Variants in SNTB1 observed in about 807,000 individuals in gnomAD.
The protein encoded by SNTB1 is syntrophin beta 1.
Under a neutral mutation model 48.9 loss-of-function variants are expected in SNTB1, and 36 were observed. The ratio of observed to expected loss-of-function variants is 0.74; its 90% CI spans 0.56 to 0.97. The LOEUF is 0.97. Ranked by LOEUF, SNTB1 falls within the 50% of genes least tolerant of loss-of-function variation. The pLI is 0.00. For synonymous variants in SNTB1, 299 were observed against 294.6 expected (o/e 1.01, Z -0.15); for missense variants, 786 against 703.4 (o/e 1.12, Z -1.33).
At chr8:120,601,145 G>T (rs1816415441) in intron 3 of SNTB1, among the ~76,000 whole-genome samples, 1 of 151,930 alleles carries the variant, frequency 6.6e-6, no homozygotes, top group Non-Finnish European at 1.5e-5. Context: ...CAGACACAAT[G>T]AACACTTTCA....
chr8:120,752,198 A>C (rs778318467), intron 1 of SNTB1, among the ~76,000 whole-genome samples: 3 of 152,192 alleles, frequency 2.0e-5, no homozygotes, highest in Non-Finnish European at 4.4e-5. Context: ...ATTGGATCTC[A>C]GATCAGGCAC....
At chr8:120,686,958 T>C (rs1174645336) in intron 2 of SNTB1, among the ~76,000 whole-genome samples, 3 of 152,202 alleles carry the variant, frequency 2.0e-5, no homozygotes, top group African/African-American at 7.2e-5. Context: ...AATACATATT[T>C]TGTGGGCTTC....
intron 1 of SNTB1, among the ~76,000 whole-genome samples, chr8:120,754,945 A>C (rs1052704339): frequency 1.3e-5 from 2 of 152,210 alleles, no homozygotes. Flanking sequence ...ACATTTAAAA[A>C]AGACACAATT....
chr8:120,541,494 C>T (rs1163764085), intron 6 of SNTB1, among the ~76,000 whole-genome samples: 5 of 152,150 alleles, frequency 3.3e-5, no homozygotes, highest in Non-Finnish European at 5.9e-5. Context: ...TTATATGAGA[C>T]GCTTGATACT....
intron 2 of SNTB1, among the ~76,000 whole-genome samples, chr8:120,634,952 C>T (rs1297147191): frequency 1.3e-5 from 2 of 151,492 alleles, no homozygotes; most frequent in Non-Finnish European, 2.9e-5. Flanking sequence ...CCCAGGTTCA[C>T]GCCATTCTCC....
chr8:120,744,142 G>A (rs1174798567), intron 1 of SNTB1, among the ~76,000 whole-genome samples: 1 of 126,632 alleles, frequency 7.9e-6, no homozygotes, highest in Non-Finnish European at 1.7e-5. Context: ...TTTTTGCAAG[G>A]GAATCCCTCA....
chr8:120,558,301 GTCTCCCAAGAGAAGATAACTT>G (rs1815601195), intron 4 of SNTB1, among the ~76,000 whole-genome samples: 1 of 152,142 alleles, frequency 6.6e-6, no homozygotes, highest in Non-Finnish European at 1.5e-5. Flanking sequence ...AGAAAATGCT[GTCTCCCAAGAGAAGATAACTT>G]TCTTACCCAG....
chr8:120,717,552 A>G (rs373763325), intron 1 of SNTB1, among the ~76,000 whole-genome samples: 1 of 152,214 alleles, frequency 6.6e-6, no homozygotes, highest in East Asian at 1.9e-4. Context: ...AAATAGTGCT[A>G]AGCCTCCGAA....
chr8:120,709,983 G>A (rs1818437258), intron 1 of SNTB1, among the ~76,000 whole-genome samples: 1 of 151,988 alleles, frequency 6.6e-6, no homozygotes, highest in Non-Finnish European at 1.5e-5. Context: ...CCTCCCAGAA[G>A]CAAACTAGAG....
intron 4 of SNTB1, among the ~76,000 whole-genome samples, chr8:120,563,386 C>G (rs1815695680): frequency 6.6e-6 from 1 of 151,606 alleles, no homozygotes. Flanking sequence ...ATGAGAATTG[C>G]TAAAATTACA....
At chr8:120,561,882 A>G (rs1260190957) in intron 4 of SNTB1, among the ~76,000 whole-genome samples, 1 of 152,200 alleles carries the variant, frequency 6.6e-6, no homozygotes, top group African/African-American at 2.4e-5. Flanking sequence ...ACTGAAATGA[A>G]CATTCCTACC....
Position 120,656,072 on chromosome 8 carries a change from C to T in SNTB1, c.789-23421G>A, listed in dbSNP as rs76072455. Among the ~76,000 whole-genome samples the T allele has an allele frequency of 2.0e-3, 302 of 152,206 alleles. 2 individuals are homozygous for T. Among genetic ancestry groups the T allele is most frequent in the African/African-American group, 5.6e-3 (233 of 41,520 alleles). On this transcript the variant is annotated intron_variant, in intron 2 of 6. Coordinates refer to ENST00000517992, the MANE Select transcript of SNTB1 (RefSeq NM_021021.4). ...TTTTTTTTGAAATTTTGAGGAAATCCGTGAACACCATAATATCCTTAACTA... is the reference window on the plus strand; with the variant it reads ...TTTTTTTTGAAATTTTGAGGAAATCTGTGAACACCATAATATCCTTAACTA...
chr8:120,765,735 TGGG>T (rs1819510928), intron 1 of SNTB1: 1 of 152,206 alleles, frequency 6.6e-6, no homozygotes, highest in East Asian at 1.9e-4. Context: ...ACTGTTGCAC[TGGG>T]TATTAAGTTT....
chr8:120,585,214 A>G (rs1422453041), intron 3 of SNTB1, among the ~76,000 whole-genome samples: 1 of 152,218 alleles, frequency 6.6e-6, no homozygotes, highest in Admixed American at 6.5e-5. Flanking sequence ...TGTGGTTCTG[A>G]GAGGTTATAT....
chr8:120,755,165 TGTGTGTGAGA>T lies in SNTB1; in HGVS notation c.571+56098_571+56107del, dbSNP rs1460445829. Reference sequence around the variant, plus strand: ...TGTTGTGTGTGTGTGTGTGTGTGTGTGTGTGTGAGAGAGAGAGAGAGAGCGAGAGAGAGAG... The same window carrying T: ...TGTTGTGTGTGTGTGTGTGTGTGTGTGAGAGAGAGAGAGCGAGAGAGAGAG... On this transcript the variant is annotated intron_variant, in intron 1 of 6. Transcript: ENST00000517992. Among the ~76,000 whole-genome samples, 11 of 105,616 alleles carry T rather than the reference TGTGTGTGAGA, an allele frequency of 1.0e-4. 1 individual carries two copies. Among genetic ancestry groups the T allele is most frequent in the African/African-American group, 4.5e-4 (11 of 24,416 alleles). 69.3% of individuals were successfully genotyped at this position (105,616 alleles called of 152,430 possible). A position where few individuals can be genotyped will look rare whatever the true frequency, so the allele number is the denominator to read the frequency against.
intron 4 of SNTB1, among the ~76,000 whole-genome samples, chr8:120,559,179 GAGA>G (rs1815614125): frequency 6.6e-6 from 1 of 152,194 alleles, no homozygotes; most frequent in Non-Finnish European, 1.5e-5. Context: ...AAAGGTAGCT[GAGA>G]TTAGATGTTT....
chr8:120,587,247 A>AAACAAAACAAAACAG (rs77506686), intron 3 of SNTB1, among the ~76,000 whole-genome samples: 1 of 152,136 alleles, frequency 6.6e-6, no homozygotes, highest in Non-Finnish European at 1.5e-5. Flanking sequence ...AAAACAGACA[A>AAACAAAACAAAACAG]ACAAACAAAA....
In SNTB1 at chr8:120,691,951, G is replaced by A. The variant is rs1465767254; in HGVS notation, c.788+1741C>T. Among the ~76,000 whole-genome samples the A allele has an allele frequency of 3.3e-5, 5 of 152,282 alleles. No individual in the cohort carries two copies. The South Asian group carries it at 1.0e-3, about 32-fold the overall frequency. ...AAGCCCAGGGAAAAGGAGACTTAGA[G>A]TAACCAGGATATCGACTGCAGGCCC... On this transcript the variant is annotated intron_variant, in intron 2 of 6. Coordinates refer to ENST00000517992, the MANE Select transcript of SNTB1 (RefSeq NM_021021.4).
intron 6 of SNTB1, among the ~76,000 whole-genome samples, chr8:120,539,980 A>G (rs773599886): frequency 1.3e-5 from 2 of 152,154 alleles, no homozygotes; most frequent in Non-Finnish European, 2.9e-5. Flanking sequence ...AAAAGTGTGG[A>G]CTCAAATGCA....
Sources: gnomAD v4.1 joint callset for allele counts (sites outside exome capture counted in the v4.1 genomes callset) on GRCh38, gnomAD v4.1.1 for gene constraint, MANE v1.5 for transcripts, NCBI Gene and HGNC (gene_info 2026-07-23, HGNC 2026-07-21) for gene names.